The following OSBPL8 variants were observed in gnomAD, a reference collection of about 807,000 sequenced individuals.
The protein encoded by OSBPL8 is oxysterol binding protein like 8.
In OSBPL8, 59 loss-of-function variants were observed where a neutral mutation model predicts 125.5. The ratio of observed to expected loss-of-function variants is 0.47; its 90% CI spans 0.38 to 0.58. The LOEUF is 0.58. Among genes scored for constraint, OSBPL8 ranks in the 20% least tolerant of loss-of-function variants. The pLI, the probability that OSBPL8 is intolerant of heterozygous loss-of-function variation, is 0.00. For synonymous variants in OSBPL8, 330 were observed against 338.9 expected (o/e 0.97, Z 0.29); for missense variants, 758 against 1,047.8 (o/e 0.72, Z 3.82).
chr12:76,529,123 A>G (rs1040278247), intron 1 of OSBPL8, among the ~76,000 whole-genome samples: 2 of 152,162 alleles, frequency 1.3e-5, no homozygotes, highest in African/African-American at 2.4e-5. Context: ...AATGTGAGAA[A>G]CATTAAGGAT....
intron 2 of OSBPL8, among the ~76,000 whole-genome samples, chr12:76,479,840 T>C (rs943772404): frequency 2.0e-5 from 3 of 152,096 alleles, no homozygotes; most frequent in African/African-American, 7.2e-5. Flanking sequence ...TTGTGACTTA[T>C]CAACTAAGTC....
In OSBPL8 at chr12:76,435,195, C is replaced by A. The variant is rs7955916; in HGVS notation, c.217+15656G>T. On this transcript the variant is annotated intron_variant, in intron 4 of 23. Transcript: ENST00000261183. ...GTGTGTGTGTGTGTGTGCATATATA[C>A]ATAAATAGAATATTATTCAGCTTTG... Among the ~76,000 whole-genome samples the A allele has an allele frequency of 1.3e-4, 20 of 151,040 alleles. No homozygotes were observed. The South Asian group carries it at 3.8e-3, about 28-fold the overall frequency.
intron 1 of OSBPL8, among the ~76,000 whole-genome samples, chr12:76,493,564 C>A (rs1466980142): frequency 6.6e-6 from 1 of 152,162 alleles, no homozygotes; most frequent in Non-Finnish European, 1.5e-5. Flanking sequence ...TCTCTCTAGA[C>A]CTGCAAAGTT....
intron 9 of OSBPL8, among the ~76,000 whole-genome samples, chr12:76,393,121 TG>T (rs1292487390): frequency 6.6e-6 from 1 of 152,198 alleles, no homozygotes; most frequent in Non-Finnish European, 1.5e-5. Flanking sequence ...CTGAAGTAAC[TG>T]TTTTTGTTAA....
At chr12:76,396,513 C>G (rs575480988) in intron 8 of OSBPL8, among the ~76,000 whole-genome samples, 2 of 152,040 alleles carry the variant, frequency 1.3e-5, no homozygotes, top group Non-Finnish European at 2.9e-5. Context: ...AATCCCAGCA[C>G]TTTGGGAGGC....
intron 4 of OSBPL8, among the ~76,000 whole-genome samples, chr12:76,445,190 T>G (rs781370494): frequency 3.2e-4 from 48 of 152,246 alleles, no homozygotes; most frequent in Non-Finnish European, 5.4e-4. Flanking sequence ...TACTCAGTAA[T>G]GCAGGCATAA....
At chr12:76,360,819 TTTAGCAATGGCTGAAGCG>T (rs1046558921) in intron 21 of OSBPL8, among the ~76,000 whole-genome samples, 3 of 152,174 alleles carry the variant, frequency 2.0e-5, no homozygotes, top group African/African-American at 7.2e-5. Flanking sequence ...CTTGGCCCCT[TTTAGCAATGGCTGAAGCG>T]GCTGGGACGT....
intron 1 of OSBPL8, among the ~76,000 whole-genome samples, chr12:76,550,526 G>A (rs1318797817): frequency 6.6e-6 from 1 of 152,140 alleles, no homozygotes; most frequent in Admixed American, 6.5e-5. Flanking sequence ...GGACCACACT[G>A]GAAGAGAAGA....
chr12:76,498,361 G>C (rs900730699), intron 1 of OSBPL8, among the ~76,000 whole-genome samples: 47 of 152,216 alleles, frequency 3.1e-4, no homozygotes, highest in Admixed American at 6.5e-5. Flanking sequence ...TTTAGGGTTT[G>C]TCTTGAAACT....
chr12:76,414,534 C>T (rs1158443633), intron 4 of OSBPL8, among the ~76,000 whole-genome samples: 1 of 148,574 alleles, frequency 6.7e-6, no homozygotes, highest in Non-Finnish European at 1.5e-5. Flanking sequence ...CTCACTGCAG[C>T]CTCGACCTCC....
rs184848493 is a variant in OSBPL8, at chr12:76,448,807, G to A, written c.217+2044C>T. Among the ~76,000 whole-genome samples, 205 of 152,300 alleles carry A rather than the reference G, an allele frequency of 1.3e-3. 5 individuals are homozygous for A. The East Asian group carries it at 0.037, about 27-fold the overall frequency. ...AGGTGGGCGGATCACAAGGTCAAGA[G>A]ATCAAGACCATCCTGGCCAACACGG... is the stretch of plus-strand genomic sequence containing the variant. On this transcript the variant is annotated intron_variant, in intron 4 of 23. Coordinates refer to ENST00000261183, the MANE Select transcript of OSBPL8 (RefSeq NM_020841.5).
intron 19 of OSBPL8, among the ~76,000 whole-genome samples, chr12:76,370,465 G>C (rs1952577686): frequency 6.6e-6 from 1 of 152,152 alleles, no homozygotes; most frequent in African/African-American, 2.4e-5. Flanking sequence ...TAGAAAGGCA[G>C]CATGTTAAAA....
chr12:76,478,958 G>A (rs547363392), intron 2 of OSBPL8, among the ~76,000 whole-genome samples: 31 of 152,206 alleles, frequency 2.0e-4, no homozygotes, highest in African/African-American at 6.3e-4. Context: ...GATGGCAGGC[G>A]CCTGTAGTCC....
intron 4 of OSBPL8, among the ~76,000 whole-genome samples, chr12:76,414,552 G>C (rs1868385513): frequency 6.7e-6 from 1 of 149,454 alleles, no homozygotes; most frequent in Non-Finnish European, 1.5e-5. Flanking sequence ...TCCTGTAACA[G>C]GCAATCCTTC....
chr12:76,545,828 G>T (rs1266530834), intron 1 of OSBPL8, among the ~76,000 whole-genome samples: 1 of 152,136 alleles, frequency 6.6e-6, no homozygotes, highest in Non-Finnish European at 1.5e-5. Context: ...CAAAAAATGA[G>T]AAACTATGGA....
At chr12:76,462,103 T>C (rs1874815339) in intron 2 of OSBPL8, among the ~76,000 whole-genome samples, 2 of 152,224 alleles carry the variant, frequency 1.3e-5, no homozygotes, top group Non-Finnish European at 2.9e-5. Flanking sequence ...ATTGTGTGTA[T>C]ACATGGCTGC....
intron 1 of OSBPL8, among the ~76,000 whole-genome samples, chr12:76,524,490 G>C (rs1172226644): frequency 6.6e-6 from 1 of 151,978 alleles, no homozygotes; most frequent in Non-Finnish European, 1.5e-5. Flanking sequence ...CACCATCACT[G>C]ATCTTCACAC....
intron 7 of OSBPL8, among the ~76,000 whole-genome samples, chr12:76,398,386 T>TA (rs1283293621): frequency 6.6e-6 from 1 of 152,182 alleles, no homozygotes; most frequent in Non-Finnish European, 1.5e-5. Flanking sequence ...TCCTAGCCCC[T>TA]AAAATTACCT....
intron 14 of OSBPL8, among the ~76,000 whole-genome samples, chr12:76,385,758 T>C (rs1209872201): frequency 4.6e-5 from 7 of 152,114 alleles, no homozygotes; most frequent in Non-Finnish European, 1.0e-4. Context: ...GTTTGACTAC[T>C]GTGGAGAACT....
Sources: gnomAD v4.1 joint callset for allele counts (sites outside exome capture counted in the v4.1 genomes callset) on GRCh38, gnomAD v4.1.1 for gene constraint, MANE v1.5 for transcripts, NCBI Gene and HGNC (gene_info 2026-07-23, HGNC 2026-07-21) for gene names.